QTMAN: variants seen among roughly 807,000 people sequenced by gnomAD.
The protein encoded by QTMAN is tRNA-queuosine alpha-mannosyltransferase.
At chr2:143,989,065 C>T in the QTMAN span, among the ~76,000 whole-genome samples, 10 of 152,206 alleles carry the variant, frequency 6.6e-5, no homozygotes, top group East Asian at 1.9e-3. Context: ...CACCTCTCCC[C>T]AGCCCAAATC....
the QTMAN span, chr2:143,952,889 T>C: frequency 2.6e-6 from 3 of 1,149,982 alleles, no homozygotes; most frequent in African/African-American, 4.6e-5. Context: ...AAAAAGACAT[T>C]ACCATCATAG....
At chr2:144,156,610 T>C in the QTMAN span, among the ~76,000 whole-genome samples, 1 of 152,104 alleles carries the variant, frequency 6.6e-6, no homozygotes, top group African/African-American at 2.4e-5. Context: ...TAAAAGCCAC[T>C]TTTTTAAAGA....
At chr2:144,006,299 T>A in the QTMAN span, 2 of 152,120 alleles carry the variant, frequency 1.3e-5, no homozygotes, top group Admixed American at 1.3e-4. Flanking sequence ...AGAGTTTTAA[T>A]GTGCTGGAAG....
the QTMAN span, among the ~76,000 whole-genome samples, chr2:144,285,447 G>T: frequency 2.0e-5 from 3 of 152,216 alleles, no homozygotes; most frequent in South Asian, 6.2e-4. Flanking sequence ...TATCTATAAG[G>T]AAGGGATCAT....
At chr2:144,041,169 C>A in the QTMAN span, among the ~76,000 whole-genome samples, 1 of 151,992 alleles carries the variant, frequency 6.6e-6, no homozygotes, top group African/African-American at 2.4e-5. Flanking sequence ...TGGGGTCAAG[C>A]GATTTTTAAC....
the QTMAN span, among the ~76,000 whole-genome samples, chr2:144,307,031 C>T: frequency 1.6e-4 from 24 of 151,680 alleles, no homozygotes; most frequent in African/African-American, 5.6e-4. Flanking sequence ...CGTGGTGGTG[C>T]ACGCCTGTAG....
At chr2:144,320,959 T>A in the QTMAN span, among the ~76,000 whole-genome samples, 1 of 152,336 alleles carries the variant, frequency 6.6e-6, no homozygotes, top group East Asian at 1.9e-4. Context: ...CCAACTGGCC[T>A]GTCTTTTTGT....
At chr2:144,242,376 C>G in the QTMAN span, among the ~76,000 whole-genome samples, 3 of 151,948 alleles carry the variant, frequency 2.0e-5, no homozygotes, top group Non-Finnish European at 4.4e-5. Flanking sequence ...CCACTCTTTA[C>G]TGTTTCCATG....
the QTMAN span, among the ~76,000 whole-genome samples, chr2:143,969,983 G>T: frequency 0.016 from 2,423 of 152,274 alleles, 31 homozygotes; most frequent in Non-Finnish European, 0.026. Context: ...AAATAATGCT[G>T]AACACCCAAA....
chr2:144,199,006 A>G, the QTMAN span, among the ~76,000 whole-genome samples: 2 of 151,804 alleles, frequency 1.3e-5, no homozygotes, highest in Non-Finnish European at 2.9e-5. Flanking sequence ...GATCTATGTC[A>G]GAATTTGCTA....
the QTMAN span, among the ~76,000 whole-genome samples, chr2:144,093,808 C>T: frequency 6.6e-6 from 1 of 152,080 alleles, no homozygotes; most frequent in African/African-American, 2.4e-5. Context: ...GTGTTACTGT[C>T]CATCCTTTAT....
At chr2:144,128,570 T>C in the QTMAN span, among the ~76,000 whole-genome samples, 2 of 152,156 alleles carry the variant, frequency 1.3e-5, no homozygotes, top group East Asian at 3.9e-4. Context: ...AGTGAATGAC[T>C]CTAGTACCAC....
chr2:144,002,672 C>T, the QTMAN span, among the ~76,000 whole-genome samples: 1 of 151,784 alleles, frequency 6.6e-6, no homozygotes. Context: ...CCTGTGTTTC[C>T]CAAATCACCA....
chr2:144,169,232 A>G, the QTMAN span, among the ~76,000 whole-genome samples: 1 of 152,160 alleles, frequency 6.6e-6, no homozygotes, highest in African/African-American at 2.4e-5. Flanking sequence ...AAAGCTCCCA[A>G]GAGATATCTA....
At chr2:144,230,435 A>G in the QTMAN span, 1 of 152,162 alleles carries the variant, frequency 6.6e-6, no homozygotes, top group Admixed American at 6.5e-5. Context: ...CATTTACTTT[A>G]ATTTACATTC....
the QTMAN span, among the ~76,000 whole-genome samples, chr2:144,321,348 T>C: frequency 2.0e-5 from 3 of 152,170 alleles, no homozygotes; most frequent in African/African-American, 4.8e-5. Context: ...TGGACTGCAA[T>C]GGAGGAATGT....
At chr2:144,256,345 C>T in the QTMAN span, among the ~76,000 whole-genome samples, 1 of 152,140 alleles carries the variant, frequency 6.6e-6, no homozygotes, top group East Asian at 1.9e-4. Flanking sequence ...AATAAAGATA[C>T]TTATACACCA....
At chr2:144,075,380 T>C in the QTMAN span, among the ~76,000 whole-genome samples, 7 of 152,270 alleles carry the variant, frequency 4.6e-5, no homozygotes, top group Non-Finnish European at 7.3e-5. Context: ...CATTCTACTT[T>C]AATTAAGCAT....
chr2:144,185,547 C>G, the QTMAN span, among the ~76,000 whole-genome samples: 1 of 152,144 alleles, frequency 6.6e-6, no homozygotes, highest in Admixed American at 6.5e-5. Context: ...CTTAATTTAT[C>G]CTAAATATAG....
Sources: allele counts gnomAD v4.1 joint callset (sites outside exome capture counted in the v4.1 genomes callset), GRCh38; gene constraint gnomAD v4.1.1; transcripts MANE v1.5; gene names NCBI Gene and HGNC (gene_info 2026-07-23, HGNC 2026-07-21).